The following USP13 variants were observed in gnomAD, a reference collection of about 807,000 sequenced individuals.
USP13 encodes the protein ubiquitin carboxyl-terminal hydrolase 13.
USP13 carries 68 observed loss-of-function variants against 107.8 expected under a neutral mutation model. That is an observed-to-expected ratio of 0.63 (90% CI 0.52 to 0.77). The LOEUF is 0.77. Among genes scored for constraint, USP13 ranks in the 30% least tolerant of loss-of-function variants. USP13 has a pLI of 0.00. For missense variants in USP13, 945 were observed against 1,093.3 expected, an observed-to-expected ratio of 0.86 and a Z score of 1.91; for synonymous variants, 377 against 389.5, an observed-to-expected ratio of 0.97 and a Z score of 0.38.
At chr3:179,677,814 A>C (rs1489169365) in intron 1 of USP13, among the ~76,000 whole-genome samples, 1 of 152,006 alleles carries the variant, frequency 6.6e-6, no homozygotes, top group African/African-American at 2.4e-5. Flanking sequence ...CTGACAGATT[A>C]ATATTTGTTA....
chr3:179,653,112 C>A lies in USP13; in HGVS notation c.-114C>A, dbSNP rs984304380. Reference sequence around the variant, plus strand: ...TCCCCGCCCGCCCCGGCTCGGCCGGCTGCCGTTGCCCGCGCAGCCCGCCCG... The same window carrying A: ...TCCCCGCCCGCCCCGGCTCGGCCGGATGCCGTTGCCCGCGCAGCCCGCCCG... On this transcript the variant is annotated 5_prime_UTR_variant, in exon 1 of 21. The change creates a new upstream start codon in the 5' untranslated region. Coordinates refer to ENST00000263966, the MANE Select transcript of USP13 (RefSeq NM_003940.3). The surrounding 1 kb of genome is among the most constrained non-coding windows in gnomAD (Gnocchi z 4.0). The A allele has an allele frequency of 1.6e-5, 15 of 926,392 alleles. No individual in the cohort carries two copies. The highest frequency in any genetic ancestry group is 1.9e-5 in the Non-Finnish European group (15 of 776,786). 57.4% of individuals were successfully genotyped at this position (926,392 alleles called of 1,614,324 possible).
In USP13 at chr3:179,721,267, G is replaced by T; in HGVS notation, c.901-135G>T. The stretch of plus-strand genomic sequence containing the variant: ...CACCGTCTCTCAGTCTTTTTTATTT[G>T]CATTGTTTATTTCTCTATGTAATTG... On this transcript the variant is annotated intron_variant, in intron 7 of 20. Coordinates refer to ENST00000263966, the MANE Select transcript of USP13 (RefSeq NM_003940.3). The surrounding 1 kb of genome is among the most constrained non-coding windows in gnomAD (Gnocchi z 4.3). The T allele has an allele frequency of 1.1e-6, 1 of 885,716 alleles. No individual in the cohort carries two copies. The highest frequency in any genetic ancestry group is 1.7e-6 in the Non-Finnish European group (1 of 592,598). The allele number at this position is 885,716 out of a possible 1,614,324, so 54.9% of individuals were successfully genotyped here. A position where few individuals can be genotyped will look rare whatever the true frequency, so the allele number is the denominator to read the frequency against.
chr3:179,662,580 T>G (rs1457053442), intron 1 of USP13, among the ~76,000 whole-genome samples: 3 of 152,318 alleles, frequency 2.0e-5, no homozygotes, highest in African/African-American at 7.2e-5. Context: ...GTCCTTTGAT[T>G]GGGGTTTCAG....
At chr3:179,783,375 T>C (rs1417917409) in intron 20 of USP13, among the ~76,000 whole-genome samples, 2 of 152,218 alleles carry the variant, frequency 1.3e-5, no homozygotes, top group Non-Finnish European at 2.9e-5. Flanking sequence ...ACAACTTAAC[T>C]AAAAGCTTAA....
chr3:179,722,194 A>G (rs1713349334), intron 8 of USP13, among the ~76,000 whole-genome samples: 1 of 152,142 alleles, frequency 6.6e-6, no homozygotes, highest in South Asian at 2.1e-4. Flanking sequence ...TCTTCACAGC[A>G]CATCTGCCAA....
In USP13 at chr3:179,742,567, T is replaced by C. The variant is rs1359731183; in HGVS notation, c.1534+217T>C. Among the ~76,000 whole-genome samples, 1 of 152,222 alleles carries C rather than the reference T, an allele frequency of 6.6e-6. No individual in the cohort carries two copies. Among genetic ancestry groups the C allele is most frequent in the Admixed American group, 6.5e-5 (1 of 15,282 alleles). On this transcript the variant is annotated intron_variant, in intron 12 of 20. Transcript: ENST00000263966. The surrounding 1 kb of genome is among the most constrained non-coding windows in gnomAD (Gnocchi z 5.0). ...CACAGGTTTTATGGAGGCGTTATGG[T>C]TGGAACCTACGTCACTGCCTATAAA...
At chr3:179,739,118 T>A (rs1714093795) in intron 10 of USP13, among the ~76,000 whole-genome samples, 1 of 152,190 alleles carries the variant, frequency 6.6e-6, no homozygotes. Flanking sequence ...TCCCTGATGC[T>A]CTGTCCAGCT....
chr3:179,718,229 C>T (rs1324011161), intron 6 of USP13, among the ~76,000 whole-genome samples: 1 of 151,572 alleles, frequency 6.6e-6, no homozygotes, highest in African/African-American at 2.4e-5. Flanking sequence ...TTCACCAAGT[C>T]TGTTGGTATC....
intron 12 of USP13, 23 bp from the exon 13 acceptor site, chr3:179,745,020 C>T (rs1714347402): frequency 6.2e-7 from 1 of 1,613,778 alleles, no homozygotes; most frequent in Non-Finnish European, 8.5e-7. Flanking sequence ...ATTGCAAGGT[C>T]TTTGATTTGC....
chr3:179,737,859 C>G (rs1714048057), intron 10 of USP13, among the ~76,000 whole-genome samples: 1 of 152,226 alleles, frequency 6.6e-6, no homozygotes, highest in African/African-American at 2.4e-5. Flanking sequence ...CAATAGTGCT[C>G]TGCATGAAGC....
chr3:179,781,634 C>A, intron 19 of USP13, 105 bp from the exon 20 acceptor site: 2 of 935,246 alleles, frequency 2.1e-6, no homozygotes, highest in Non-Finnish European at 3.3e-6. Context: ...TCTTTCAAAT[C>A]TAAACAGTTG....
intron 19 of USP13, 143 bp from the exon 20 acceptor site, chr3:179,781,596 G>A (rs752713408): frequency 7.1e-5 from 45 of 631,686 alleles, no homozygotes; most frequent in Middle Eastern, 5.8e-4. Flanking sequence ...TGTGTGTGTT[G>A]TCAACATAGC....
Position 179,784,243 on chromosome 3 carries a change from A to G in USP13, c.*102A>G. 6.9e-6 allele frequency: 6 copies of G among 873,080 alleles called. No individual in the cohort carries two copies. The highest frequency in any genetic ancestry group is 9.0e-6 in the Non-Finnish European group (5 of 553,204). 54.1% of individuals were successfully genotyped at this position (873,080 alleles called of 1,614,324 possible). A position where few individuals can be genotyped will look rare whatever the true frequency, so the allele number is the denominator to read the frequency against. On this transcript the variant is annotated 3_prime_UTR_variant, in exon 21 of 21. Transcript: ENST00000263966. ...TTGAAACAACTAGACATGAAGGAAT[A>G]TATGGGGTATTTATCGTTTATTTAA...
At chr3:179,705,881 C>A (rs1302688626) in intron 4 of USP13, among the ~76,000 whole-genome samples, 4 of 152,106 alleles carry the variant, frequency 2.6e-5, no homozygotes, top group African/African-American at 7.2e-5. Context: ...TGCCACCACA[C>A]CTGGCTAATT....
chr3:179,692,603 A>G (rs981827008), intron 3 of USP13, among the ~76,000 whole-genome samples: 3 of 152,254 alleles, frequency 2.0e-5, no homozygotes, highest in Non-Finnish European at 4.4e-5. Context: ...TTGCACTAAT[A>G]TAGATCATAT....
chr3:179,660,970 T>C lies in USP13; in HGVS notation c.168+7577T>C, dbSNP rs190527183. ...TTTTGAGAACCGCAAAAAGCTTTTG[T>C]GTGATTTCTGTTGCTATTTACCATA... On this transcript the variant is annotated intron_variant, in intron 1 of 20. Transcript: ENST00000263966. 8.5e-5 allele frequency among the ~76,000 whole-genome samples: 13 copies of C among 152,368 alleles called. No individual in the cohort carries two copies. In the East Asian group the frequency reaches 1.3e-3, roughly 16 times the overall value.
intron 1 of USP13, among the ~76,000 whole-genome samples, chr3:179,669,635 G>A (rs1212631261): frequency 1.3e-5 from 2 of 152,240 alleles, no homozygotes; most frequent in East Asian, 3.9e-4. Flanking sequence ...TGATGGAATT[G>A]TTTTGTGTCT....
intron 5 of USP13, among the ~76,000 whole-genome samples, chr3:179,708,405 C>G (rs886483330): frequency 5.3e-5 from 8 of 150,348 alleles, no homozygotes; most frequent in Non-Finnish European, 4.4e-5. Context: ...CTCTCGGGTT[C>G]AAGCAGTTCT....
At chr3:179,668,645 C>G (rs1318799943) in intron 1 of USP13, among the ~76,000 whole-genome samples, 3 of 152,200 alleles carry the variant, frequency 2.0e-5, no homozygotes, top group African/African-American at 7.2e-5. Context: ...CAACCTTGAC[C>G]TCCTGGGCTT....
Sources: allele counts gnomAD v4.1 joint callset (sites outside exome capture counted in the v4.1 genomes callset), GRCh38; gene constraint gnomAD v4.1.1; non-coding constraint Gnocchi (gnomAD v3.1); transcripts MANE v1.5; gene names NCBI Gene and HGNC (gene_info 2026-07-23, HGNC 2026-07-21).